The following ARHGAP22 variants were observed in gnomAD, a reference collection of about 807,000 sequenced individuals.
ARHGAP22 encodes rho GTPase-activating protein 22.
ARHGAP22 carries 48 observed loss-of-function variants against 59.1 expected under a neutral mutation model. The observed-to-expected ratio is 0.81, with a 90% CI of 0.64 to 1.03. The LOEUF is 1.03. Among genes scored for constraint, ARHGAP22 ranks in the 50% least tolerant of loss-of-function variants. The pLI, the probability that ARHGAP22 is intolerant of heterozygous loss-of-function variation, is 0.00. For missense variants in ARHGAP22, 1,015 were observed against 958.7 expected, an observed-to-expected ratio of 1.06 and a Z score of -0.78; for synonymous variants, 445 against 416.4, an observed-to-expected ratio of 1.07 and a Z score of -0.84.
intron 2 of ARHGAP22, among the ~76,000 whole-genome samples, chr10:48,579,835 G>A (rs2059000160): frequency 6.6e-6 from 1 of 152,210 alleles, no homozygotes; most frequent in South Asian, 2.1e-4. Flanking sequence ...CCAGGAACCA[G>A]ATATTGAGAA....
chr10:48,564,348 A>C (rs1230368908), intron 2 of ARHGAP22, among the ~76,000 whole-genome samples: 2 of 152,212 alleles, frequency 1.3e-5, no homozygotes, highest in African/African-American at 2.4e-5. Flanking sequence ...TCTAAGATGA[A>C]TTGCTAAGAA....
intron 2 of ARHGAP22, among the ~76,000 whole-genome samples, chr10:48,559,243 G>C (rs2057524722): frequency 6.6e-6 from 1 of 152,212 alleles, no homozygotes; most frequent in Non-Finnish European, 1.5e-5. Flanking sequence ...CGGGCACCTA[G>C]GTACAGAAAG....
intron 1 of ARHGAP22, among the ~76,000 whole-genome samples, chr10:48,614,699 T>G (rs1445097235): frequency 6.6e-6 from 1 of 152,186 alleles, no homozygotes; most frequent in Non-Finnish European, 1.5e-5. Context: ...TGAGTCTCAG[T>G]AAGAACAGCA....
At position 48,446,392 on chromosome 10, in the gene ARHGAP22, T is replaced by A; in HGVS notation, c.2096A>T (p.Ter699LeuextTer113). 6.2e-7 allele frequency: 1 copy of A among 1,614,136 alleles called. No individual in the cohort carries two copies. ...CAGAAGTGAGCTCTGCCATTCCTTT[T>A]ACTTTGGGGCCCTGGCACCTTTTGC... is the stretch of plus-strand genomic sequence containing the variant. ...VGAKGARAPK[*>L] Residue 699 changes from the stop codon to leucine, a stop_lost, in exon 10 of 10, where the codon TAA becomes TTA. Transcript: ENST00000249601.
intron 4 of ARHGAP22, among the ~76,000 whole-genome samples, chr10:48,471,379 A>G (rs1384408029): frequency 6.6e-6 from 1 of 152,200 alleles, no homozygotes; most frequent in Non-Finnish European, 1.5e-5. Context: ...GTTGGGACAA[A>G]CAGCTTCAGG....
At chr10:48,532,085 C>A (rs528310655) in intron 3 of ARHGAP22, among the ~76,000 whole-genome samples, 108 of 152,306 alleles carry the variant, frequency 7.1e-4, no homozygotes, top group African/African-American at 2.5e-3. Flanking sequence ...AACTCACGGG[C>A]ATTATTTTGT....
chr10:48,466,636 AT>A (rs10710346), intron 4 of ARHGAP22: 145,934 of 145,938 alleles, frequency 1, 72,965 homozygotes, highest in Middle Eastern at 1. Context: ...CAAGCGCTGC[AT>A]CCCGGAGTAG....
At chr10:48,652,510 T>C in exon 1 of ARHGAP22, 1 of 575,314 alleles carries the variant, frequency 1.7e-6, no homozygotes, top group Non-Finnish European at 3.1e-6. Context: ...TCTAGGGATC[T>C]TGGAATGGCC....
chr10:48,453,319 C>T lies in ARHGAP22; in HGVS notation c.973G>A (p.Val325Ile). ...TCCCACTTACCTTCCATGATGGTTA[C>T]TGGGTCCTCTACCTGTGGCCGCAGA... ...NILRPQVEDPVTIMEGTSLVQ... is the reference protein window; with the variant it reads ...NILRPQVEDPITIMEGTSLVQ... The change falls in exon 8 of 10, where the codon GTA (valine) becomes ATA (isoleucine). Residue 325 changes from valine (V) to isoleucine (I), a missense_variant. Physicochemically the swap from Val to Ile is conservative, Grantham distance 29 (BLOSUM62 3). Coordinates refer to ENST00000249601, the MANE Select transcript of ARHGAP22 (RefSeq NM_021226.4). 6.2e-7 allele frequency: 1 copy of T among 1,613,888 alleles called. No individual in the cohort carries two copies. The highest frequency in any genetic ancestry group is 8.5e-7 in the Non-Finnish European group (1 of 1,179,916).
intron 2 of ARHGAP22, among the ~76,000 whole-genome samples, chr10:48,567,316 T>A (rs971037668): frequency 2.0e-5 from 3 of 152,178 alleles, no homozygotes; most frequent in Admixed American, 6.5e-5. Flanking sequence ...CATGTGAACA[T>A]TCTAATGCCT....
At chr10:48,563,748 G>A (rs548813295) in intron 2 of ARHGAP22, among the ~76,000 whole-genome samples, 2 of 152,290 alleles carry the variant, frequency 1.3e-5, no homozygotes, top group South Asian at 4.1e-4. Flanking sequence ...ATAAAAACTT[G>A]CAATGTAAAT....
intron 3 of ARHGAP22, among the ~76,000 whole-genome samples, chr10:48,541,516 G>A (rs982940061): frequency 1.2e-4 from 19 of 152,300 alleles, no homozygotes; most frequent in South Asian, 4.1e-4. Flanking sequence ...GCATGACCCT[G>A]CTGAGAGTCA....
chr10:48,473,822 C>A (rs911909854), intron 4 of ARHGAP22, among the ~76,000 whole-genome samples: 1 of 152,288 alleles, frequency 6.6e-6, no homozygotes, highest in Non-Finnish European at 1.5e-5. Flanking sequence ...ATATAAATTC[C>A]AGGCTTTAAG....
intron 3 of ARHGAP22, among the ~76,000 whole-genome samples, chr10:48,491,770 A>G (rs1443596720): frequency 6.6e-6 from 1 of 152,264 alleles, no homozygotes; most frequent in Non-Finnish European, 1.5e-5. Flanking sequence ...GGGAAGCAGT[A>G]TCACTATTCC....
intron 1 of ARHGAP22, among the ~76,000 whole-genome samples, chr10:48,598,659 CAT>C (rs1448826588): frequency 1.3e-5 from 2 of 152,242 alleles, no homozygotes; most frequent in Non-Finnish European, 2.9e-5. Flanking sequence ...CAGCCTGCAT[CAT>C]TGACTAAGGC....
intron 1 of ARHGAP22, among the ~76,000 whole-genome samples, chr10:48,644,279 A>G (rs2062195907): frequency 6.6e-6 from 1 of 152,264 alleles, no homozygotes; most frequent in Non-Finnish European, 1.5e-5. Flanking sequence ...CCCAAAATGC[A>G]TGAAGCAAAA....
Position 48,604,868 on chromosome 10 carries a change from C to A in ARHGAP22, c.-72G>T. On this transcript the variant is annotated 5_prime_UTR_variant, in exon 1 of 10. Transcript: ENST00000249601. ...ATCCACTTGCTTTTGCTCGTCCTCG[C>A]GCCTAGTCGCCCCTCATGTCCTGCT... 2 of 1,611,094 alleles carry A rather than the reference C, an allele frequency of 1.2e-6. No homozygotes were observed. Among genetic ancestry groups the A allele is most frequent in the South Asian group, 1.1e-5 (1 of 90,872 alleles).
At position 48,497,780 on chromosome 10, in the gene ARHGAP22, G is replaced by A. The variant is rs985904518; in HGVS notation, c.323-18016C>T. Among the ~76,000 whole-genome samples, 33 of 152,272 alleles carry A rather than the reference G, an allele frequency of 2.2e-4. 1 individual carries two copies. Among genetic ancestry groups the A allele is most frequent in the Middle Eastern group, 3.4e-3 (1 of 294 alleles). ...TCCTGCCACTCGCAGCAACTGCAAG[G>A]CCCAGGGGCTCAATAAACGGACCCC... On this transcript the variant is annotated intron_variant, in intron 3 of 9. Coordinates refer to ENST00000249601, the MANE Select transcript of ARHGAP22 (RefSeq NM_021226.4).
At chr10:48,496,060 A>G (rs1034992033) in intron 3 of ARHGAP22, among the ~76,000 whole-genome samples, 2 of 152,302 alleles carry the variant, frequency 1.3e-5, no homozygotes, top group Middle Eastern at 6.8e-3. Context: ...AGAGCCCCCA[A>G]GCTACAGGAT....
Sources: gnomAD v4.1 joint callset for allele counts (sites outside exome capture counted in the v4.1 genomes callset) on GRCh38, gnomAD v4.1.1 for gene constraint, MANE v1.5 for transcripts, NCBI Gene and HGNC (gene_info 2026-07-23, HGNC 2026-07-21) for gene names.